Variants in CDK5RAP2 observed in about 807,000 individuals in gnomAD.
CDK5RAP2 encodes the protein CDK5 regulatory subunit associated protein 2.
Under a neutral mutation model 232.9 loss-of-function variants are expected in CDK5RAP2, and 147 were observed. The ratio of observed to expected loss-of-function variants is 0.63; its 90% CI spans 0.55 to 0.72. The LOEUF (loss-of-function observed/expected upper bound fraction) is 0.72, where lower values mean the gene tolerates loss of function less well. Among genes scored for constraint, CDK5RAP2 ranks in the 30% least tolerant of loss-of-function variants. CDK5RAP2 has a pLI of 0.00. For missense variants in CDK5RAP2, 2,195 were observed against 2,231.5 expected, an observed-to-expected ratio of 0.98 and a Z score of 0.33; for synonymous variants, 833 against 833.7, an observed-to-expected ratio of 1.00 and a Z score of 0.01.
At chr9:120,520,926 A>C (rs2040619405) in intron 11 of CDK5RAP2, among the ~76,000 whole-genome samples, 1 of 152,128 alleles carries the variant, frequency 6.6e-6, no homozygotes, top group African/African-American at 2.4e-5. Flanking sequence ...TATGAGCTGT[A>C]TCTCATATAT....
rs2041085423 is a variant in CDK5RAP2, at chr9:120,530,145, AAG to A, written c.663-7_663-6del. Reference sequence around the variant, plus strand: ...AGCTTCAACTCCTCAATCAGTCTAAAAGAGAACAAAATTTAAATATTAATTCT... The same window carrying A: ...AGCTTCAACTCCTCAATCAGTCTAAAAGAACAAAATTTAAATATTAATTCT... On this transcript the variant is annotated splice_polypyrimidine_tract_variant and splice_region_variant and intron_variant, in intron 7 of 37. Transcript: ENST00000349780. 6.2e-7 allele frequency: 1 copy of A among 1,610,442 alleles called. No individual in the cohort carries two copies.
At chr9:120,569,153 G>C (rs913349265) in intron 2 of CDK5RAP2, among the ~76,000 whole-genome samples, 2 of 152,288 alleles carry the variant, frequency 1.3e-5, no homozygotes, top group Middle Eastern at 3.4e-3. Context: ...ACTGTTATCA[G>C]GCTGAATAAA....
chr9:120,470,351 A>G (rs990265496), intron 16 of CDK5RAP2, 131 bp from the exon 17 acceptor site: 22 of 601,718 alleles, frequency 3.7e-5, no homozygotes, highest in Non-Finnish European at 6.0e-5. Flanking sequence ...GGCGGAAGGG[A>G]GCATAGTACA....
chr9:120,502,134 A>C (rs1028418589), intron 12 of CDK5RAP2, among the ~76,000 whole-genome samples: 2 of 152,234 alleles, frequency 1.3e-5, no homozygotes, highest in Admixed American at 6.5e-5. Context: ...ATCCCAGTCC[A>C]CTTAACGTAT....
Position 120,559,570 on chromosome 9 carries a change from G to GA in CDK5RAP2, c.196-8669dup, listed in dbSNP as rs777727216. On this transcript the variant is annotated intron_variant, in intron 3 of 37. Transcript: ENST00000349780. ...GTACTTTTCCCCTTAAGAGAAACAA[G>GA]AAAAAAAAAAAAAAAAAAACTTGAG... Among the ~76,000 whole-genome samples, 591 of 60,798 alleles carry GA rather than the reference G, an allele frequency of 9.7e-3. 3 individuals are homozygous for GA. Among genetic ancestry groups the GA allele is most frequent in the Middle Eastern group, 0.031 (3 of 98 alleles). The allele number at this position is 60,798 out of a possible 152,430, so 39.9% of individuals were successfully genotyped here.
chr9:120,497,421 T>TAAAAAA (rs71385064), intron 12 of CDK5RAP2, among the ~76,000 whole-genome samples: 52 of 23,290 alleles, frequency 2.2e-3, no homozygotes, highest in East Asian at 0.019. Context: ...AAAATAAATT[T>TAAAAAA]AAAAAAAAAA....
chr9:120,544,083 A>G (rs1471727777), intron 5 of CDK5RAP2, among the ~76,000 whole-genome samples: 1 of 152,172 alleles, frequency 6.6e-6, no homozygotes, highest in African/African-American at 2.4e-5. Flanking sequence ...TATTTTCTGA[A>G]TAAACGAATA....
chr9:120,536,770 T>C lies in CDK5RAP2; in HGVS notation c.508-244A>G, dbSNP rs948135992. 2.5e-5 allele frequency: 14 copies of C among 557,568 alleles called. No homozygotes were observed. The African/African-American group carries it at 2.7e-4, about 11-fold the overall frequency. The allele number at this position is 557,568 out of a possible 1,614,324, so 34.5% of individuals were successfully genotyped here. A position where few individuals can be genotyped will look rare whatever the true frequency, so the allele number is the denominator to read the frequency against. ...ACTCAACTCTGTAAGAACTGTATTT[T>C]TGGTTTTGAAAAATCAGATCAATAT... is the stretch of plus-strand genomic sequence containing the variant. On this transcript the variant is annotated intron_variant, in intron 6 of 37. Transcript: ENST00000349780.
At chr9:120,437,154 C>T in intron 25 of CDK5RAP2, 141 bp downstream of exon 25, 1 of 704,690 alleles carries the variant, frequency 1.4e-6, no homozygotes, top group Non-Finnish European at 2.6e-6. Flanking sequence ...AAGCAGCAGC[C>T]AGTGTGGTTC....
Position 120,407,068 on chromosome 9 carries a change from G to A in CDK5RAP2, c.4907C>T (p.Thr1636Ile). Residue 1636 changes from threonine to isoleucine, a missense_variant, in exon 32 of 38, where the codon ACT becomes ATT. Physicochemically the swap from Thr to Ile is moderately conservative, Grantham distance 89 (BLOSUM62 -1). Transcript: ENST00000349780. ...GAEKAQEGAL[T>I]LAVQAVSIPE... ...GATGGACACGGCTTGGACAGCCAGA[G>A]TGAGGGCTCCTTCCTGTGCCTTCTC... 1 of 1,614,154 alleles carries A rather than the reference G, an allele frequency of 6.2e-7. No individual in the cohort carries two copies. The highest frequency in any genetic ancestry group is 1.1e-5 in the South Asian group (1 of 91,092).
chr9:120,579,905 A>G lies in CDK5RAP2; in HGVS notation c.59+15T>C. ...CCCGGCCCGGTTACCACGACCACCA[A>G]TGCCCCGGCCGCACCTGCAGCCGCT... On this transcript the variant is annotated intron_variant, in intron 1 of 37. Transcript: ENST00000349780. 1 of 1,608,470 alleles carries G rather than the reference A, an allele frequency of 6.2e-7. No homozygotes were observed. Among genetic ancestry groups the G allele is most frequent in the Non-Finnish European group, 8.5e-7 (1 of 1,174,964 alleles).
At chr9:120,471,915 C>CCTA in intron 15 of CDK5RAP2, 37 bp from the exon 16 acceptor site, 1 of 1,613,246 alleles carries the variant, frequency 6.2e-7, no homozygotes, top group Non-Finnish European at 8.5e-7. Flanking sequence ...TTAAAACAGA[C>CCTA]CTATTTGTAC....
At chr9:120,458,923 C>T (rs952417292) in intron 19 of CDK5RAP2, among the ~76,000 whole-genome samples, 6 of 152,124 alleles carry the variant, frequency 3.9e-5, no homozygotes, top group African/African-American at 9.7e-5. Flanking sequence ...TGGTACCTCC[C>T]GAGGTGGTTA....
intron 3 of CDK5RAP2, among the ~76,000 whole-genome samples, chr9:120,556,369 G>A (rs1004995668): frequency 2.0e-5 from 3 of 151,594 alleles, no homozygotes; most frequent in Non-Finnish European, 4.4e-5. Context: ...CACTCATCAC[G>A]TATTTTTTTC....
At chr9:120,575,833 G>A (rs1441377206) in intron 1 of CDK5RAP2, among the ~76,000 whole-genome samples, 1 of 152,124 alleles carries the variant, frequency 6.6e-6, no homozygotes, top group Admixed American at 6.5e-5. Flanking sequence ...AAAAACACAT[G>A]CAATCAAACA....
rs1381633931 is a variant in CDK5RAP2 at position 120,407,190 on chromosome 9, C to T, written c.4785G>A (p.Leu1595=). Residue 1595 remains leucine, a synonymous_variant, in exon 32 of 38, where the codon CTG becomes CTA. Coordinates refer to ENST00000349780, the MANE Select transcript of CDK5RAP2 (RefSeq NM_018249.6). The part of the protein sequence containing the change: ...QDPFRDLHSL[L]MEIQALRLQL... ...GCAAGCGCAGAGCCTGGATCTCCAT[C>T]AGGAGGCTGTGCAGGTCCCTGAAAG... 4.3e-6 allele frequency: 7 copies of T among 1,613,742 alleles called. No individual in the cohort carries two copies. In the African/African-American group the frequency reaches 5.3e-5, roughly 12 times the overall value.
chr9:120,518,592 C>T lies in CDK5RAP2; in HGVS notation c.1146G>A (p.Ala382=), dbSNP rs765972168. The change falls in exon 12 of 38, where the codon GCG becomes GCA. Residue 382 remains alanine (A), a synonymous_variant. Transcript: ENST00000349780. ...ALSGKEALSA[A]LRSQNLTKST... is the part of the protein sequence containing the mutation. ...TCTTGGTGAGGTTTTGTGAGCGCAGCGCAGCCGAAAGGGCTTCCTTTCCTG... is the reference window on the plus strand; with the variant it reads ...TCTTGGTGAGGTTTTGTGAGCGCAGTGCAGCCGAAAGGGCTTCCTTTCCTG... 8.7e-6 allele frequency: 14 copies of T among 1,613,608 alleles called. No individual in the cohort carries two copies. Among genetic ancestry groups the T allele is most frequent in the South Asian group, 1.1e-5 (1 of 90,992 alleles).
intron 30 of CDK5RAP2, 103 bp from the exon 31 acceptor site, chr9:120,408,571 T>C (rs2033640748): frequency 3.9e-6 from 5 of 1,268,650 alleles, no homozygotes; most frequent in Non-Finnish European, 5.7e-6. Context: ...GTCACAAGAG[T>C]GTGGACCAAG....
intron 12 of CDK5RAP2, among the ~76,000 whole-genome samples, chr9:120,515,999 A>G (rs574170429): frequency 9.9e-4 from 151 of 152,358 alleles, no homozygotes; most frequent in Admixed American, 1.8e-3. Flanking sequence ...CATTTGACCC[A>G]GCAATCCCAT....
Sources: allele counts gnomAD v4.1 joint callset (sites outside exome capture counted in the v4.1 genomes callset), GRCh38; gene constraint gnomAD v4.1.1; transcripts MANE v1.5; gene names NCBI Gene and HGNC (gene_info 2026-07-23, HGNC 2026-07-21).